Variants in IFT80 observed in about 807,000 individuals in gnomAD.
IFT80 encodes intraflagellar transport protein 80 homolog.
Under a neutral mutation model 107.9 loss-of-function variants are expected in IFT80, and 79 were observed. The ratio of observed to expected loss-of-function variants is 0.73; its 90% CI spans 0.61 to 0.88. IFT80 has a LOEUF of 0.88. IFT80 is among the 40% of genes least tolerant of loss of function. The pLI, the probability that IFT80 is intolerant of heterozygous loss-of-function variation, is 0.00. For missense variants in IFT80, 797 were observed against 914.2 expected, an observed-to-expected ratio of 0.87 and a Z score of 1.65; for synonymous variants, 299 against 300.9, an observed-to-expected ratio of 0.99 and a Z score of 0.07.
intron 1 of IFT80, among the ~76,000 whole-genome samples, chr3:160,390,562 T>C (rs1713305604): frequency 6.6e-6 from 1 of 152,134 alleles, no homozygotes; most frequent in African/African-American, 2.4e-5. Flanking sequence ...CCAAAAAAAC[T>C]TAGATGGTGA....
At chr3:160,390,425 A>AAAAAAG (rs1285675233) in intron 1 of IFT80, among the ~76,000 whole-genome samples, 5 of 152,030 alleles carry the variant, frequency 3.3e-5, no homozygotes, top group African/African-American at 1.2e-4. Context: ...CTCAAAAAAA[A>AAAAAAG]AAAAAGAAAA....
At chr3:160,334,074 T>C (rs955940208) in intron 8 of IFT80, among the ~76,000 whole-genome samples, 3 of 152,210 alleles carry the variant, frequency 2.0e-5, no homozygotes, top group Non-Finnish European at 4.4e-5. Context: ...AGTCTGTCAC[T>C]GACCAAAATG....
intron 1 of IFT80, among the ~76,000 whole-genome samples, chr3:160,395,989 C>T (rs1403968582): frequency 6.6e-6 from 1 of 152,122 alleles, no homozygotes; most frequent in Non-Finnish European, 1.5e-5. Flanking sequence ...CACTTACAAT[C>T]TTAAAAACCT....
chr3:160,389,843 C>T lies in IFT80; in HGVS notation c.-46-5197G>A, dbSNP rs1407000996. On this transcript the variant is annotated intron_variant, in intron 1 of 19. Coordinates refer to ENST00000326448, the MANE Select transcript of IFT80 (RefSeq NM_020800.3). ...TGATTTATAGTCCTTTGGGTATATACCCACTAATGGGATGGCTGGGTCAAA... is the reference window on the plus strand; with the variant it reads ...TGATTTATAGTCCTTTGGGTATATATCCACTAATGGGATGGCTGGGTCAAA... Among the ~76,000 whole-genome samples, 5 of 152,068 alleles carry T rather than the reference C, an allele frequency of 3.3e-5. No homozygotes were observed. In the East Asian group the frequency reaches 9.6e-4, roughly 29 times the overall value.
Position 160,367,860 on chromosome 3 carries a change from T to C in IFT80, c.440-1708A>G, listed in dbSNP as rs552395065. On this transcript the variant is annotated intron_variant, in intron 5 of 19. Transcript: ENST00000326448. ...TTTTAAAAAATGACTATCATATTTA[T>C]TGAAAGCATTGGTTATACGGCAGTA... Among the ~76,000 whole-genome samples the C allele has an allele frequency of 2.2e-3, 340 of 152,166 alleles. 3 individuals carry two copies. Among genetic ancestry groups the C allele is most frequent in the African/African-American group, 7.5e-3 (313 of 41,578 alleles).
chr3:160,386,217 T>C (rs1301960430), intron 1 of IFT80, among the ~76,000 whole-genome samples: 2 of 152,234 alleles, frequency 1.3e-5, no homozygotes, highest in African/African-American at 2.4e-5. Context: ...CTCAGAAAGA[T>C]TTTCCTCACA....
intron 8 of IFT80, among the ~76,000 whole-genome samples, chr3:160,326,118 C>A (rs1398901419): frequency 6.6e-6 from 1 of 151,880 alleles, no homozygotes; most frequent in Non-Finnish European, 1.5e-5. Flanking sequence ...CATAACAAAC[C>A]TGCACACGTA....
intron 1 of IFT80, among the ~76,000 whole-genome samples, chr3:160,396,199 TAA>T (rs1283515215): frequency 6.6e-6 from 1 of 152,132 alleles, no homozygotes; most frequent in Non-Finnish European, 1.5e-5. Flanking sequence ...TTTTCGGTGA[TAA>T]GTTATGTGTG....
chr3:160,258,342 G>C lies in IFT80; in HGVS notation c.*183C>G. Reference sequence around the variant, plus strand: ...AATTATTGGACTAAAAAATATAAAAGATAGAAATACATCAATTACTTTGTG... The same window carrying C: ...AATTATTGGACTAAAAAATATAAAACATAGAAATACATCAATTACTTTGTG... On this transcript the variant is annotated 3_prime_UTR_variant, in exon 20 of 20. Coordinates refer to ENST00000326448, the MANE Select transcript of IFT80 (RefSeq NM_020800.3). 1.4e-6 allele frequency: 1 copy of C among 737,226 alleles called. No homozygotes were observed. The highest frequency in any genetic ancestry group is 2.2e-6 in the Non-Finnish European group (1 of 458,864). The allele number at this position is 737,226 out of a possible 1,614,324, so 45.7% of individuals were successfully genotyped here.
Position 160,377,460 on chromosome 3 carries a change from A to T in IFT80, c.340T>A (p.Trp114Arg). 1 of 1,607,086 alleles carries T rather than the reference A, an allele frequency of 6.2e-7. No individual in the cohort carries two copies. Among genetic ancestry groups the T allele is most frequent in the South Asian group, 1.1e-5 (1 of 90,828 alleles). The stretch of plus-strand genomic sequence containing the variant: ...ACTAATGCTGTTCCTTCATAATTCC[A>T]TCTTCCTGCAAGTACTGCTCCACAG... ...AHCGAVLAGRWNYEGTALVTV... is the reference protein window; with the variant it reads ...AHCGAVLAGRRNYEGTALVTV... Residue 114 changes from tryptophan to arginine, a missense_variant, in exon 4 of 20, where the codon TGG (tryptophan) becomes AGG (arginine). Coordinates refer to ENST00000326448, the MANE Select transcript of IFT80 (RefSeq NM_020800.3).
chr3:160,270,944 C>T lies in IFT80; in HGVS notation c.2100-2408G>A, dbSNP rs1482824747. On this transcript the variant is annotated intron_variant, in intron 18 of 19. Coordinates refer to ENST00000326448, the MANE Select transcript of IFT80 (RefSeq NM_020800.3). ...TAAAATCATCCATTCTGGGTTGGAG[C>T]TTTTCCAAAATTCCGAATGAGATAC... 9.2e-5 allele frequency among the ~76,000 whole-genome samples: 14 copies of T among 152,168 alleles called. No homozygotes were observed. In the South Asian group the frequency reaches 2.1e-3, roughly 23 times the overall value.
chr3:160,341,975 G>A (rs1719930166), intron 8 of IFT80, among the ~76,000 whole-genome samples: 1 of 152,114 alleles, frequency 6.6e-6, no homozygotes, highest in East Asian at 1.9e-4. Flanking sequence ...GAAGTCATAA[G>A]ATCAGCCACA....
chr3:160,268,920 G>A (rs964497324), intron 18 of IFT80, among the ~76,000 whole-genome samples: 1 of 152,106 alleles, frequency 6.6e-6, no homozygotes, highest in Non-Finnish European at 1.5e-5. Flanking sequence ...TACATATGTG[G>A]TAAATATGCA....
At chr3:160,332,920 T>C (rs1310253128) in intron 8 of IFT80, among the ~76,000 whole-genome samples, 1 of 152,230 alleles carries the variant, frequency 6.6e-6, no homozygotes, top group Non-Finnish European at 1.5e-5. Flanking sequence ...CATCATGTGT[T>C]GCTTAATGAA....
intron 11 of IFT80, among the ~76,000 whole-genome samples, chr3:160,301,985 T>C (rs1010978945): frequency 6.6e-6 from 1 of 152,018 alleles, no homozygotes; most frequent in Non-Finnish European, 1.5e-5. Context: ...GTACAGCTTC[T>C]AGAAGTGCAA....
At chr3:160,327,526 CACCTACA>C (rs542275595) in intron 8 of IFT80, among the ~76,000 whole-genome samples, 113 of 152,190 alleles carry the variant, frequency 7.4e-4, no homozygotes, top group African/African-American at 2.6e-3. Flanking sequence ...TAAGACTGCA[CACCTACA>C]ACTATCTGAT....
intron 19 of IFT80, among the ~76,000 whole-genome samples, chr3:160,266,745 C>T (rs1267693451): frequency 3.9e-5 from 6 of 151,920 alleles, no homozygotes; most frequent in South Asian, 2.1e-4. Flanking sequence ...ATATTGATGG[C>T]GAGGAGGAAA....
At chr3:160,292,119 A>C (rs1715606554) in intron 12 of IFT80, among the ~76,000 whole-genome samples, 1 of 152,222 alleles carries the variant, frequency 6.6e-6, no homozygotes, top group African/African-American at 2.4e-5. Context: ...TGGCTACAAA[A>C]GGGTCCTGAC....
At chr3:160,259,052 G>A (rs1482005223) in intron 19 of IFT80, among the ~76,000 whole-genome samples, 5 of 152,164 alleles carry the variant, frequency 3.3e-5, no homozygotes, top group Non-Finnish European at 5.9e-5. Flanking sequence ...AGGCTGCAGT[G>A]AGCCGTGATT....
Sources: allele counts gnomAD v4.1 joint callset (sites outside exome capture counted in the v4.1 genomes callset), GRCh38; gene constraint gnomAD v4.1.1; transcripts MANE v1.5; gene names NCBI Gene and HGNC (gene_info 2026-07-23, HGNC 2026-07-21).